CEP112: variants seen among roughly 807,000 people sequenced by gnomAD.
CEP112 encodes centrosomal protein 112.
Under a neutral mutation model 153.0 loss-of-function variants are expected in CEP112, and 127 were observed. The ratio of observed to expected loss-of-function variants is 0.83; its 90% CI spans 0.72 to 0.96. CEP112 has a LOEUF of 0.96. CEP112 is among the 40% of genes least tolerant of loss of function. The pLI is 0.00. For missense variants in CEP112, 1,089 were observed against 1,101.2 expected, an observed-to-expected ratio of 0.99 and a Z score of 0.16; for synonymous variants, 358 against 374.4, an observed-to-expected ratio of 0.96 and a Z score of 0.51.
intron 20 of CEP112, among the ~76,000 whole-genome samples, chr17:65,885,837 C>T (rs988876461): frequency 7.2e-5 from 11 of 152,154 alleles, no homozygotes; most frequent in African/African-American, 2.4e-4. Context: ...ATTTCCAATT[C>T]GAGAACTGTA....
chr17:66,109,298 T>C (rs2068918347), intron 6 of CEP112, among the ~76,000 whole-genome samples: 1 of 152,170 alleles, frequency 6.6e-6, no homozygotes, highest in Non-Finnish European at 1.5e-5. Context: ...AAATGAAGGA[T>C]CGATGTTTGA....
chr17:66,000,917 C>T (rs1048508649), intron 17 of CEP112, among the ~76,000 whole-genome samples: 8 of 152,194 alleles, frequency 5.3e-5, no homozygotes, highest in Non-Finnish European at 8.8e-5. Flanking sequence ...ATGGGCTGAT[C>T]GTCCTGCGCT....
intron 12 of CEP112, among the ~76,000 whole-genome samples, chr17:66,049,927 T>C (rs1168447130): frequency 2.0e-5 from 3 of 151,884 alleles, no homozygotes; most frequent in Non-Finnish European, 4.4e-5. Context: ...TACAAAGAGA[T>C]AGAAAATATA....
intron 21 of CEP112, among the ~76,000 whole-genome samples, chr17:65,843,173 A>T (rs2057589353): frequency 6.6e-6 from 1 of 152,180 alleles, no homozygotes; most frequent in Non-Finnish European, 1.5e-5. Flanking sequence ...CATCGCATTC[A>T]AATTATGTAC....
At position 66,002,781 on chromosome 17, in the gene CEP112, C is replaced by T. The variant is rs1477994727; in HGVS notation, c.1736+2909G>A. 2.0e-5 allele frequency among the ~76,000 whole-genome samples: 3 copies of T among 152,120 alleles called. No homozygotes were observed. The East Asian group carries it at 5.8e-4, about 29-fold the overall frequency. ...GATAGCCTCTCTACTATATATTCAACATGCACAGAAGAAATAAACCCTTAT... is the reference window on the plus strand; with the variant it reads ...GATAGCCTCTCTACTATATATTCAATATGCACAGAAGAAATAAACCCTTAT... On this transcript the variant is annotated intron_variant, in intron 17 of 26. Coordinates refer to ENST00000535342, the MANE Select transcript of CEP112 (RefSeq NM_001199165.4).
At chr17:66,116,885 T>C (rs1295823165) in intron 6 of CEP112, among the ~76,000 whole-genome samples, 1 of 137,472 alleles carries the variant, frequency 7.3e-6, no homozygotes, top group Non-Finnish European at 1.6e-5. Context: ...TTTTTTTTTC[T>C]GAGACGGAGT....
At chr17:66,167,682 T>C (rs956367032) in intron 4 of CEP112, among the ~76,000 whole-genome samples, 1 of 152,212 alleles carries the variant, frequency 6.6e-6, no homozygotes, top group African/African-American at 2.4e-5. Context: ...AAAGTACTTA[T>C]GCCTATATGA....
chr17:66,102,961 C>T (rs186647701), intron 6 of CEP112, among the ~76,000 whole-genome samples: 4 of 151,982 alleles, frequency 2.6e-5, no homozygotes, highest in Admixed American at 1.3e-4. Context: ...TGGTGGCTCA[C>T]GCCTGTAATC....
intron 22 of CEP112, among the ~76,000 whole-genome samples, chr17:65,745,245 C>T (rs1013057070): frequency 3.4e-4 from 52 of 152,122 alleles, no homozygotes; most frequent in Non-Finnish European, 1.5e-5. Context: ...ATAATAACAA[C>T]ATGTCAATAT....
chr17:65,975,500 T>A (rs1283032345), intron 17 of CEP112, among the ~76,000 whole-genome samples: 1 of 152,182 alleles, frequency 6.6e-6, no homozygotes, highest in Non-Finnish European at 1.5e-5. Context: ...ATATATTCAT[T>A]TGTTTCCTAA....
chr17:65,885,421 T>C lies in CEP112; in HGVS notation c.2163+16731A>G, dbSNP rs373093971. 7.9e-5 allele frequency among the ~76,000 whole-genome samples: 12 copies of C among 152,262 alleles called. No individual in the cohort carries two copies. In the East Asian group the frequency reaches 1.7e-3, roughly 22 times the overall value. On this transcript the variant is annotated intron_variant, in intron 20 of 26. Transcript: ENST00000535342. ...CATAAATGACTTTTTTCCAGATCAA[T>C]AGCAGAGTAAGGGGAACTATTTTAA... is the stretch of plus-strand genomic sequence containing the variant.
intron 17 of CEP112, among the ~76,000 whole-genome samples, chr17:65,970,760 T>TAAC (rs1568316392): frequency 4.6e-5 from 7 of 150,900 alleles, no homozygotes; most frequent in East Asian, 2.0e-4. Flanking sequence ...ACATTACAGG[T>TAAC]ATGTTACATG....
At chr17:66,007,235 G>A (rs1027165435) in intron 16 of CEP112, among the ~76,000 whole-genome samples, 1 of 152,140 alleles carries the variant, frequency 6.6e-6, no homozygotes, top group Non-Finnish European at 1.5e-5. Flanking sequence ...CTGAGAGGCA[G>A]AGAAGAAAAA....
chr17:65,692,224 A>ATT lies in CEP112; in HGVS notation c.2608-3008_2608-3007dup, dbSNP rs35586515. Among the ~76,000 whole-genome samples, 119 of 126,818 alleles carry ATT rather than the reference A, an allele frequency of 9.4e-4. 1 individual carries two copies. Among genetic ancestry groups the ATT allele is most frequent in the African/African-American group, 1.1e-3 (36 of 32,892 alleles). 83.2% of individuals were successfully genotyped at this position (126,818 alleles called of 152,430 possible). On this transcript the variant is annotated intron_variant, in intron 23 of 26. Transcript: ENST00000535342. ...GTTAGCAGTAAGACACTGCACTGGA[A>ATT]TTTTTTTTTTTTTTTTTTTTTTGAG...
chr17:66,032,496 A>G (rs1469038965), intron 12 of CEP112, among the ~76,000 whole-genome samples: 2 of 152,160 alleles, frequency 1.3e-5, no homozygotes. Context: ...GTTGAGGACT[A>G]CCACTAGGAG....
chr17:66,152,155 G>A (rs1331324911), intron 4 of CEP112, among the ~76,000 whole-genome samples: 2 of 152,148 alleles, frequency 1.3e-5, no homozygotes, highest in East Asian at 3.9e-4. Context: ...ACATCTTTGT[G>A]TGTAGTGTGC....
In CEP112 at chr17:65,746,251, A is replaced by C. The variant is rs568988488; in HGVS notation, c.2458-3034T>G. Among the ~76,000 whole-genome samples, 4 of 152,038 alleles carry C rather than the reference A, an allele frequency of 2.6e-5. No individual in the cohort carries two copies. The East Asian group carries it at 5.8e-4, about 22-fold the overall frequency. On this transcript the variant is annotated intron_variant, in intron 22 of 26. Coordinates refer to ENST00000535342, the MANE Select transcript of CEP112 (RefSeq NM_001199165.4). Reference sequence around the variant, plus strand: ...TACAAGTGAAGTCCAGGATGTTCTAAGAAGGACGTGCTTGCTTTTGTGTGG... The same window carrying C: ...TACAAGTGAAGTCCAGGATGTTCTACGAAGGACGTGCTTGCTTTTGTGTGG...
intron 21 of CEP112, among the ~76,000 whole-genome samples, chr17:65,798,091 A>G (rs868570615): frequency 6.6e-6 from 1 of 152,078 alleles, no homozygotes; most frequent in South Asian, 2.1e-4. Context: ...CAGAGCTTCA[A>G]GGTCCCTTCT....
chr17:65,945,509 A>G (rs1356010184), intron 18 of CEP112, among the ~76,000 whole-genome samples: 1 of 152,232 alleles, frequency 6.6e-6, no homozygotes, highest in Non-Finnish European at 1.5e-5. Flanking sequence ...AGTAGTATAC[A>G]TCAGTTTCAT....
Sources: gnomAD v4.1 joint callset for allele counts (sites outside exome capture counted in the v4.1 genomes callset) on GRCh38, gnomAD v4.1.1 for gene constraint, MANE v1.5 for transcripts, NCBI Gene and HGNC (gene_info 2026-07-23, HGNC 2026-07-21) for gene names.